Variants in RNF10 observed in about 807,000 individuals in gnomAD.
RNF10 encodes ring finger protein 10, also known as E3 ubiquitin-protein ligase RNF10.
In RNF10, 38 loss-of-function variants were observed where a neutral mutation model predicts 91.4. The observed-to-expected ratio is 0.42, with a 90% CI of 0.32 to 0.54. RNF10 has a LOEUF of 0.54. RNF10 is among the 20% of genes least tolerant of loss of function. The pLI is 0.16. For missense variants in RNF10, 945 were observed against 1,012.0 expected, an observed-to-expected ratio of 0.93 and a Z score of 0.90; for synonymous variants, 364 against 366.3, an observed-to-expected ratio of 0.99 and a Z score of 0.07.
intron 2 of RNF10, among the ~76,000 whole-genome samples, chr12:120,550,832 G>A (rs1208808022): frequency 6.6e-6 from 1 of 151,860 alleles, no homozygotes; most frequent in Non-Finnish European, 1.5e-5. Context: ...TCCTGACCTC[G>A]TGATCCGCCC....
At chr12:120,559,123 A>AT (rs1161664394) in intron 6 of RNF10, among the ~76,000 whole-genome samples, 1 of 141,948 alleles carries the variant, frequency 7.0e-6, no homozygotes, top group South Asian at 2.2e-4. Flanking sequence ...TTTTATTTTT[A>AT]TTTTTAGCAG....
At chr12:120,542,552 CTTTA>C (rs571320243) in intron 1 of RNF10, among the ~76,000 whole-genome samples, 17 of 152,048 alleles carry the variant, frequency 1.1e-4, no homozygotes, top group East Asian at 3.9e-4. Flanking sequence ...TAAGTTCTAA[CTTTA>C]TTTATTTGTT....
chr12:120,535,043 G>C lies in RNF10; in HGVS notation c.157+75G>C. ...GGGAGAGTCGTTGCTCTCATCGGCT[G>C]GGTTACTCGGGGACAGGCTCCACTT... is the stretch of plus-strand genomic sequence containing the variant. On this transcript the variant is annotated intron_variant, in intron 1 of 16. Transcript: ENST00000325954. 3 of 1,434,230 alleles carry C rather than the reference G, an allele frequency of 2.1e-6. No homozygotes were observed. In the South Asian group the frequency reaches 4.1e-5, roughly 20 times the overall value. 88.8% of individuals were successfully genotyped at this position (1,434,230 alleles called of 1,614,324 possible).
chr12:120,572,419 G>A (rs780206246), intron 14 of RNF10, among the ~76,000 whole-genome samples: 2 of 152,016 alleles, frequency 1.3e-5, no homozygotes, highest in Non-Finnish European at 2.9e-5. Flanking sequence ...AATTACAGCA[G>A]TTTGTACTGA....
chr12:120,560,971 C>G, intron 7 of RNF10, 85 bp downstream of exon 7: 1 of 1,376,558 alleles, frequency 7.3e-7, no homozygotes, highest in Non-Finnish European at 1.0e-6. Context: ...CCTTTTCACT[C>G]TGTCGGGGGT....
chr12:120,557,587 C>A lies in RNF10; in HGVS notation c.872C>A (p.Thr291Asn), dbSNP rs764647074. Reference protein sequence around the residue: ...TESHQYVVGDTITMQLMKREK... With the variant: ...TESHQYVVGDNITMQLMKREK... ...TCACATCAGTATGTTGTTGGTGATA[C>A]CATTACGATGCAGCTGATGAAGAGG... Residue 291 changes from threonine to asparagine, a missense_variant, in exon 6 of 17, where the codon ACC becomes AAC. Transcript: ENST00000325954. The A allele has an allele frequency of 1.2e-6, 2 of 1,614,110 alleles. No individual in the cohort carries two copies. Among genetic ancestry groups the A allele is most frequent in the East Asian group, 2.2e-5 (1 of 44,890 alleles).
intron 1 of RNF10, among the ~76,000 whole-genome samples, chr12:120,536,748 C>T (rs986814191): frequency 3.9e-5 from 6 of 152,154 alleles, no homozygotes; most frequent in African/African-American, 1.4e-4. Flanking sequence ...ACTCTATTCC[C>T]AGATGTATGT....
At chr12:120,548,226 A>G (rs543376985) in intron 2 of RNF10, among the ~76,000 whole-genome samples, 136 of 152,340 alleles carry the variant, frequency 8.9e-4, no homozygotes, top group African/African-American at 3.2e-3. Flanking sequence ...AGAGGTAGGT[A>G]GTTAACTGTG....
At position 120,563,591 on chromosome 12, in the gene RNF10, T is replaced by G. The variant is rs761389436; in HGVS notation, c.1499T>G (p.Leu500Arg). The G allele has an allele frequency of 1.9e-6, 3 of 1,608,966 alleles. No homozygotes were observed. The part of the protein sequence containing the change: ...EPITKSGFTR[L>R]SSSPCYYFYQ... ...ATCACCAAGTCAGGCTTCACACGCC[T>G]CAGCAGCTCTCCTTGTTACTACTTT... is the stretch of plus-strand genomic sequence containing the variant. Residue 500 changes from leucine (L) to arginine (R), a missense_variant, in exon 9 of 17, where the codon CTC (leucine) becomes CGC (arginine). Leu to Arg is a moderately radical substitution (Grantham distance 102). Coordinates refer to ENST00000325954, the MANE Select transcript of RNF10 (RefSeq NM_014868.5).
chr12:120,547,214 T>C, intron 2 of RNF10, among the ~76,000 whole-genome samples: 1 of 152,194 alleles, frequency 6.6e-6, no homozygotes, highest in East Asian at 1.9e-4. Flanking sequence ...AAAACAGTTT[T>C]AGAAGGTGCT....
At chr12:120,566,448 C>T (rs907736187) in intron 12 of RNF10, among the ~76,000 whole-genome samples, 5 of 152,110 alleles carry the variant, frequency 3.3e-5, no homozygotes, top group South Asian at 2.1e-4. Context: ...TGTGTGATGT[C>T]CTCAACTGTT....
intron 1 of RNF10, among the ~76,000 whole-genome samples, chr12:120,541,314 T>C (rs1297064511): frequency 1.3e-5 from 2 of 152,178 alleles, no homozygotes; most frequent in Non-Finnish European, 2.9e-5. Flanking sequence ...AGGATATGTG[T>C]TTTCTTTATA....
At chr12:120,565,710 T>C (rs1488267515) in intron 12 of RNF10, among the ~76,000 whole-genome samples, 181 bp downstream of exon 12, 4 of 152,202 alleles carry the variant, frequency 2.6e-5, no homozygotes, top group African/African-American at 9.6e-5. Context: ...TGGGTCAAAG[T>C]GCCTAGCACA....
intron 7 of RNF10, among the ~76,000 whole-genome samples, chr12:120,562,129 C>T (rs1874919342): frequency 6.6e-6 from 1 of 151,940 alleles, no homozygotes; most frequent in Admixed American, 6.6e-5. Context: ...GTTATTTTTC[C>T]TGATCCCCTC....
chr12:120,547,744 GA>G (rs1416496865), intron 2 of RNF10, among the ~76,000 whole-genome samples: 1 of 152,318 alleles, frequency 6.6e-6, no homozygotes, highest in East Asian at 1.9e-4. Context: ...CAAAGACTAG[GA>G]AAGGGATCAG....
rs772882750 is a variant in RNF10 at position 120,557,693 on chromosome 12, T to C, written c.967+11T>C. ...CCATTCATCTAGGAGGTGAGTTCTT[T>C]AAATTTTGGGGACAAATAATCCTGG... On this transcript the variant is annotated intron_variant, in intron 6 of 16. Coordinates refer to ENST00000325954, the MANE Select transcript of RNF10 (RefSeq NM_014868.5). 4.3e-6 allele frequency: 7 copies of C among 1,614,020 alleles called. No individual in the cohort carries two copies. Among genetic ancestry groups the C allele is most frequent in the Middle Eastern group, 1.7e-4 (1 of 6,060 alleles).
chr12:120,575,996 C>T (rs1218010695), intron 16 of RNF10, 46 bp downstream of exon 16: 5 of 1,587,124 alleles, frequency 3.2e-6, no homozygotes, highest in South Asian at 1.1e-5. Flanking sequence ...ACATACTACA[C>T]ATGTACTGCC....
rs752950320 is a variant in RNF10 at position 120,552,600 on chromosome 12, C to G, written c.456C>G (p.Gly152=). ...HLLNFTFEPR[G]QTGHFEGSGH... is the part of the protein sequence containing the mutation. Reference sequence around the variant, plus strand: ...TGAATTTCACTTTTGAACCCCGTGGCCAGACGGGTCACTTTGAAGGCAGTG... The same window carrying G: ...TGAATTTCACTTTTGAACCCCGTGGGCAGACGGGTCACTTTGAAGGCAGTG... Residue 152 remains glycine, a synonymous_variant, in exon 3 of 17, where the codon GGC becomes GGG. Transcript: ENST00000325954. 6.2e-7 allele frequency: 1 copy of G among 1,614,116 alleles called. No individual in the cohort carries two copies. The highest frequency in any genetic ancestry group is 1.1e-5 in the South Asian group (1 of 91,084).
In RNF10 at chr12:120,534,630, C is replaced by T; in HGVS notation, c.-182C>T. On this transcript the variant is annotated 5_prime_UTR_variant, in exon 1 of 17. Coordinates refer to ENST00000325954, the MANE Select transcript of RNF10 (RefSeq NM_014868.5). ...CGGTCGCCGCTGCCGCCGGGCTTAA[C>T]AGCCCCGTCCGCCGCTTCTCTTCCT... The T allele has an allele frequency of 2.3e-6, 3 of 1,320,888 alleles. No homozygotes were observed. In the African/African-American group the frequency reaches 4.7e-5, roughly 21 times the overall value. The allele number at this position is 1,320,888 out of a possible 1,614,324, so 81.8% of individuals were successfully genotyped here. A position where few individuals can be genotyped will look rare whatever the true frequency, so the allele number is the denominator to read the frequency against.
Sources: gnomAD v4.1 joint callset for allele counts (sites outside exome capture counted in the v4.1 genomes callset) on GRCh38, gnomAD v4.1.1 for gene constraint, MANE v1.5 for transcripts, NCBI Gene and HGNC (gene_info 2026-07-23, HGNC 2026-07-21) for gene names.